Variants in SATB2 observed in about 807,000 individuals in gnomAD.
SATB2 encodes DNA-binding protein SATB2.
SATB2 carries 1 observed loss-of-function variant against 73.4 expected under a neutral mutation model. The ratio of observed to expected loss-of-function variants is 0.01; its 90% CI spans 0.00 to 0.06. The LOEUF is 0.06. SATB2 is among the 10% of genes least tolerant of loss of function. SATB2 has a pLI of 1.00. For missense variants in SATB2, 459 were observed against 945.8 expected (o/e 0.49, Z 6.75); for synonymous variants, 397 against 367.0 (o/e 1.08, Z -0.93).
intron 3 of SATB2, among the ~76,000 whole-genome samples, chr2:199,409,526 T>C (rs1322259680): frequency 6.6e-6 from 1 of 152,232 alleles, no homozygotes; most frequent in Non-Finnish European, 1.5e-5. Context: ...GCATAGTTAA[T>C]ACGACTTCAC....
chr2:199,328,615 T>C, intron 8 of SATB2, 83 bp downstream of exon 8: 10 of 977,512 alleles, frequency 1.0e-5, no homozygotes, highest in African/African-American at 1.6e-5. Context: ...TGTCTCTCAA[T>C]GTTTGAGGGA....
upstream of SATB2, chr2:199,458,554 G>A (rs1190641944): frequency 2.8e-6 from 1 of 361,522 alleles, no homozygotes. Flanking sequence ...CGGGTCCAGG[G>A]CGCGGCCGCC....
At chr2:199,458,786 C>G (rs543029486), upstream of SATB2, 9 of 384,678 alleles carry the variant, frequency 2.3e-5, no homozygotes, top group Admixed American at 8.7e-5. Flanking sequence ...CCACCGCCTC[C>G]GCCCCTCCGA....
At chr2:199,446,401 A>T (rs1037969137) in intron 2 of SATB2, among the ~76,000 whole-genome samples, 3 of 152,170 alleles carry the variant, frequency 2.0e-5, no homozygotes, top group African/African-American at 4.8e-5. Flanking sequence ...TCCTTTTTTT[A>T]AACTAAAGAA....
chr2:199,301,390 A>G (rs1436732712), intron 10 of SATB2, among the ~76,000 whole-genome samples: 1 of 152,158 alleles, frequency 6.6e-6, no homozygotes, highest in Admixed American at 6.5e-5. Flanking sequence ...TGTTCCACTA[A>G]AAGGCCCTAA....
chr2:199,306,465 C>T (rs778376899), intron 10 of SATB2, among the ~76,000 whole-genome samples: 35 of 152,110 alleles, frequency 2.3e-4, no homozygotes, highest in Non-Finnish European at 4.6e-4. Context: ...AACTCTTTAG[C>T]TAAGGTCTGA....
chr2:199,397,999 C>A (rs950572318), intron 3 of SATB2, among the ~76,000 whole-genome samples: 3 of 152,152 alleles, frequency 2.0e-5, no homozygotes, highest in African/African-American at 7.2e-5. Context: ...ATTTCATTTA[C>A]CTTGTCAGGA....
chr2:199,371,940 T>C (rs1689460749), intron 5 of SATB2, among the ~76,000 whole-genome samples: 1 of 152,110 alleles, frequency 6.6e-6, no homozygotes, highest in African/African-American at 2.4e-5. Context: ...CTTTGCATGG[T>C]GGTGGGCTGT....
At chr2:199,335,164 G>T (rs1688300410) in intron 7 of SATB2, among the ~76,000 whole-genome samples, 1 of 152,072 alleles carries the variant, frequency 6.6e-6, no homozygotes, top group African/African-American at 2.4e-5. Context: ...AATCCTCAAA[G>T]AAAATGTCGT....
intron 7 of SATB2, among the ~76,000 whole-genome samples, chr2:199,340,664 T>C (rs1688478869): frequency 6.6e-6 from 1 of 152,230 alleles, no homozygotes; most frequent in Admixed American, 6.5e-5. Context: ...TACAGTCTTC[T>C]TATTGCTAAT....
At chr2:199,445,220 G>A (rs1453442985) in intron 2 of SATB2, among the ~76,000 whole-genome samples, 1 of 152,138 alleles carries the variant, frequency 6.6e-6, no homozygotes, top group Non-Finnish European at 1.5e-5. Flanking sequence ...TTATTGGGGG[G>A]CCAAGGGAAT....
intron 2 of SATB2, among the ~76,000 whole-genome samples, chr2:199,453,392 A>G (rs1485006325): frequency 6.6e-6 from 1 of 152,022 alleles, no homozygotes; most frequent in East Asian, 1.9e-4. Flanking sequence ...TATATCTGAA[A>G]ACGGTAATAA....
At chr2:199,354,042 T>A (rs1194035215) in intron 6 of SATB2, among the ~76,000 whole-genome samples, 2 of 152,134 alleles carry the variant, frequency 1.3e-5, no homozygotes, top group Non-Finnish European at 2.9e-5. Flanking sequence ...GCAACACGCT[T>A]ACTTATTAAA....
chr2:199,386,708 GCGCGCGCGCACACA>G (rs1361702905), intron 3 of SATB2, among the ~76,000 whole-genome samples: 2,917 of 45,560 alleles, frequency 0.064, 32 homozygotes, highest in African/African-American at 0.08. Context: ...GCGCGCGCGC[GCGCGCGCGCACACA>G]CACACACACA....
At chr2:199,285,699 AC>A in intron 10 of SATB2, among the ~76,000 whole-genome samples, 1 of 151,942 alleles carries the variant, frequency 6.6e-6, no homozygotes, top group African/African-American at 2.4e-5. Flanking sequence ...TGCTCTTAGC[AC>A]ATACAGCTAT....
chr2:199,409,812 C>T (rs1690757574), intron 3 of SATB2, among the ~76,000 whole-genome samples: 1 of 152,130 alleles, frequency 6.6e-6, no homozygotes, highest in East Asian at 1.9e-4. Context: ...AGTGTGAATG[C>T]CCTTCCTACT....
At chr2:199,470,359 A>G (rs1162160262) in intron 1 of SATB2, 1 of 152,130 alleles carries the variant, frequency 6.6e-6, no homozygotes, top group Non-Finnish European at 1.5e-5. Flanking sequence ...CGGGATGCCA[A>G]CTTGGGGCAC....
chr2:199,419,120 T>A (rs1476077409), intron 3 of SATB2, among the ~76,000 whole-genome samples: 1 of 152,178 alleles, frequency 6.6e-6, no homozygotes, highest in African/African-American at 2.4e-5. Context: ...TCAAAGCCCT[T>A]TTAAAATTCA....
intron 3 of SATB2, among the ~76,000 whole-genome samples, chr2:199,405,082 A>G (rs1482174762): frequency 6.6e-6 from 1 of 152,232 alleles, no homozygotes. Context: ...TGTACCCAGA[A>G]CTAGGGTTGT....
Sources: allele counts gnomAD v4.1 joint callset (sites outside exome capture counted in the v4.1 genomes callset), GRCh38; gene constraint gnomAD v4.1.1; transcripts MANE v1.5; gene names NCBI Gene and HGNC (gene_info 2026-07-23, HGNC 2026-07-21).